The following KIF1B variants were observed in gnomAD, a reference collection of about 807,000 sequenced individuals.
KIF1B encodes the protein kinesin-like protein KIF1B.
A neutral mutation model predicts 241.9 loss-of-function variants in KIF1B; 76 were observed. The ratio of observed to expected loss-of-function variants is 0.31; its 90% CI spans 0.26 to 0.38. The LOEUF is 0.38. Among genes scored for constraint, KIF1B ranks in the 10% least tolerant of loss-of-function variants. KIF1B has a pLI of 1.00. For missense variants in KIF1B, 1,622 were observed against 2,271.4 expected (o/e 0.71, Z 5.81); for synonymous variants, 750 against 796.7 (o/e 0.94, Z 0.99).
chr1:10,336,886 A>C lies in KIF1B; in HGVS notation c.3129+144A>C, dbSNP rs1250733725. 15 of 1,088,836 alleles carry C rather than the reference A, an allele frequency of 1.4e-5. No individual in the cohort carries two copies. In the East Asian group the frequency reaches 3.6e-4, roughly 26 times the overall value. The allele number at this position is 1,088,836 out of a possible 1,614,324, so 67.4% of individuals were successfully genotyped here. On this transcript the variant is annotated intron_variant, in intron 29 of 48. Transcript: ENST00000676179. ...AATAGAATATGGGACATGTCTAACAATTATGAAGGTAAAGGTGTATAGACT... is the reference window on the plus strand; with the variant it reads ...AATAGAATATGGGACATGTCTAACACTTATGAAGGTAAAGGTGTATAGACT...
chr1:10,305,212 G>T, intron 22 of KIF1B: 1 of 1,044,588 alleles, frequency 9.6e-7, no homozygotes, highest in Non-Finnish European at 1.2e-6. Flanking sequence ...AACATATCTT[G>T]CAATACATAG....
At chr1:10,281,232 A>G (rs1190368402) in intron 14 of KIF1B, among the ~76,000 whole-genome samples, 2 of 152,170 alleles carry the variant, frequency 1.3e-5, no homozygotes, top group African/African-American at 4.8e-5. Flanking sequence ...CTTAGTTTTG[A>G]TATGAATTTT....
chr1:10,278,853 T>A, intron 13 of KIF1B: 2 of 441,062 alleles, frequency 4.5e-6, no homozygotes, highest in African/African-American at 3.9e-5. Flanking sequence ...CATTTTTTTT[T>A]AGTGTAAAGT....
chr1:10,278,047 A>G lies in KIF1B; in HGVS notation c.1099A>G (p.Lys367Glu). The change falls in exon 13 of 49, where the codon AAA becomes GAA. Residue 367 changes from lysine to glutamate, a missense_variant. Physicochemically the swap from Lys to Glu is moderately conservative, Grantham distance 56. Transcript: ENST00000676179. ...NAVINEDPNA[K>E]LVRELKEEVT... The stretch of plus-strand genomic sequence containing the variant: ...TGTTATCAATGAGGACCCCAATGCC[A>G]AACTGGTTCGTGAATTAAAGGAGGA... The G allele has an allele frequency of 6.2e-7, 1 of 1,614,096 alleles. No individual in the cohort carries two copies. The highest frequency in any genetic ancestry group is 1.1e-5 in the South Asian group (1 of 91,084).
chr1:10,319,764 A>G (rs1170067630), intron 22 of KIF1B, among the ~76,000 whole-genome samples: 1 of 152,144 alleles, frequency 6.6e-6, no homozygotes, highest in Non-Finnish European at 1.5e-5. Flanking sequence ...TTCTCCTACC[A>G]CTACCCCAGA....
At chr1:10,220,401 A>AGATAGATAGAT (rs1557644205) in intron 1 of KIF1B, among the ~76,000 whole-genome samples, 164 of 54,716 alleles carry the variant, frequency 3.0e-3, no homozygotes, top group Middle Eastern at 0.01. Context: ...GATAGATGAT[A>AGATAGATAGAT]GATAGATAGA....
intron 1 of KIF1B, among the ~76,000 whole-genome samples, chr1:10,223,838 C>G (rs1231032006): frequency 1.3e-5 from 2 of 151,944 alleles, no homozygotes; most frequent in Non-Finnish European, 2.9e-5. Flanking sequence ...GCCACTGTGC[C>G]CGGCCTGAAG....
At chr1:10,347,710 C>T (rs1293840756) in intron 35 of KIF1B, 51 bp from the exon 36 acceptor site, 2 of 1,467,116 alleles carry the variant, frequency 1.4e-6, no homozygotes, top group East Asian at 4.6e-5. Flanking sequence ...GGGGCTAAGC[C>T]TTGCAGATGA....
rs1651144310 is a variant in KIF1B at position 10,313,238 on chromosome 1, T to G, written c.2116-6805T>G. On this transcript the variant is annotated intron_variant, in intron 22 of 48. Coordinates refer to ENST00000676179, the MANE Select transcript of KIF1B (RefSeq NM_001365951.3). ...ACGCCACCACGCCCTACTTATTTTT[T>G]TGTATTTTTAGTAGAGATGAGTTTT... Among the ~76,000 whole-genome samples the G allele has an allele frequency of 3.3e-5, 5 of 151,082 alleles. No individual in the cohort carries two copies. The South Asian group carries it at 1.0e-3, about 31-fold the overall frequency.
intron 45 of KIF1B, among the ~76,000 whole-genome samples, chr1:10,371,477 A>C (rs890637060): frequency 6.6e-6 from 1 of 151,988 alleles, no homozygotes; most frequent in Non-Finnish European, 1.5e-5. Context: ...TGCATCATCA[A>C]CTCATCATGA....
intron 2 of KIF1B, among the ~76,000 whole-genome samples, chr1:10,255,391 A>C (rs146180934): frequency 0.019 from 2,850 of 151,102 alleles, 41 homozygotes; most frequent in Non-Finnish European, 0.028. Flanking sequence ...GGAGTTCGAG[A>C]CCAGCCTGGC....
At chr1:10,232,938 A>C (rs777082540) in intron 2 of KIF1B, among the ~76,000 whole-genome samples, 1 of 152,234 alleles carries the variant, frequency 6.6e-6, no homozygotes, top group Non-Finnish European at 1.5e-5. Context: ...TCTCTATAGA[A>C]TTGCTTAGGT....
intron 31 of KIF1B, among the ~76,000 whole-genome samples, chr1:10,338,755 C>T (rs1454790620): frequency 2.0e-5 from 3 of 152,246 alleles, no homozygotes; most frequent in Non-Finnish European, 4.4e-5. Flanking sequence ...CTCCTCTGGC[C>T]TGTGCCGGGA....
At chr1:10,331,318 CT>C (rs568532341) in intron 27 of KIF1B, among the ~76,000 whole-genome samples, 109 of 152,290 alleles carry the variant, frequency 7.2e-4, no homozygotes, top group African/African-American at 2.5e-3. Flanking sequence ...CTTTTAAATT[CT>C]GTTGCAGTAG....
chr1:10,215,333 C>T (rs1318947129), intron 1 of KIF1B, among the ~76,000 whole-genome samples: 4 of 150,412 alleles, frequency 2.7e-5, no homozygotes, highest in Non-Finnish European at 4.4e-5. Flanking sequence ...TGTGCCACCA[C>T]GCCCAGCTAA....
chr1:10,307,460 C>T (rs1281200941), intron 22 of KIF1B: 1 of 356,844 alleles, frequency 2.8e-6, no homozygotes. Flanking sequence ...CAGGTGCATG[C>T]CACCATGCCT....
At chr1:10,278,193 C>T in intron 13 of KIF1B, 65 bp downstream of exon 13, 1 of 1,511,596 alleles carries the variant, frequency 6.6e-7, no homozygotes, top group Non-Finnish European at 9.2e-7. Context: ...ATTCAGCGTT[C>T]TTATATTTAA....
At chr1:10,297,597 A>G (rs979845487) in intron 22 of KIF1B, among the ~76,000 whole-genome samples, 3 of 152,084 alleles carry the variant, frequency 2.0e-5, no homozygotes, top group Admixed American at 6.6e-5. Flanking sequence ...TACTCTGAAT[A>G]TTGAATTTGG....
At chr1:10,246,383 G>A (rs988600465) in intron 2 of KIF1B, among the ~76,000 whole-genome samples, 1 of 152,146 alleles carries the variant, frequency 6.6e-6, no homozygotes, top group Non-Finnish European at 1.5e-5. Flanking sequence ...GTCAAGATAA[G>A]TACTGCAATA....
Sources: gnomAD v4.1 joint callset for allele counts (sites outside exome capture counted in the v4.1 genomes callset) on GRCh38, gnomAD v4.1.1 for gene constraint, MANE v1.5 for transcripts, NCBI Gene and HGNC (gene_info 2026-07-23, HGNC 2026-07-21) for gene names.